Variants in ITGA9 observed in about 807,000 individuals in gnomAD.
ITGA9 encodes integrin subunit alpha 9, also known as integrin alpha-9.
Under a neutral mutation model 127.8 loss-of-function variants are expected in ITGA9, and 56 were observed. The observed-to-expected ratio is 0.44, with a 90% confidence interval of 0.35 to 0.55. ITGA9 has a LOEUF of 0.55. Among genes scored for constraint, ITGA9 ranks in the 20% least tolerant of loss-of-function variants. The pLI is 0.00. For missense variants in ITGA9, 1,196 were observed against 1,347.1 expected (o/e 0.89, Z 1.76); for synonymous variants, 508 against 514.5 (o/e 0.99, Z 0.17).
chr3:37,607,721 G>GTCTT (rs1699981402), intron 15 of ITGA9, among the ~76,000 whole-genome samples: 1 of 152,126 alleles, frequency 6.6e-6, no homozygotes, highest in South Asian at 2.1e-4. Context: ...GGAAGAAAGG[G>GTCTT]GTTAAAATGT....
chr3:37,471,602 A>G (rs889962716), intron 2 of ITGA9, among the ~76,000 whole-genome samples: 12 of 152,216 alleles, frequency 7.9e-5, no homozygotes, highest in Non-Finnish European at 1.8e-4. Flanking sequence ...GGAGCACAGG[A>G]GGGCAGCAAG....
At chr3:37,541,427 C>T (rs1460081999) in intron 14 of ITGA9, among the ~76,000 whole-genome samples, 2 of 152,206 alleles carry the variant, frequency 1.3e-5, no homozygotes, top group Non-Finnish European at 2.9e-5. Context: ...TGTATTGACA[C>T]TGAAGTCATA....
At chr3:37,602,917 T>C (rs565367334) in intron 15 of ITGA9, among the ~76,000 whole-genome samples, 153 of 152,318 alleles carry the variant, frequency 1.0e-3, no homozygotes, top group Admixed American at 1.8e-3. Context: ...GCTGCAAAGC[T>C]TGTGATTTTT....
intron 5 of ITGA9, among the ~76,000 whole-genome samples, chr3:37,498,523 C>T (rs7649479): frequency 0.01 from 1,539 of 152,228 alleles, 23 homozygotes; most frequent in African/African-American, 0.035. Flanking sequence ...GTCCAGGTAG[C>T]TGTGCAAGCT....
At chr3:37,559,368 A>T (rs1310565457) in intron 15 of ITGA9, among the ~76,000 whole-genome samples, 1 of 152,134 alleles carries the variant, frequency 6.6e-6, no homozygotes, top group Non-Finnish European at 1.5e-5. Flanking sequence ...CTTGGGTATA[A>T]ATCTAATGTG....
intron 16 of ITGA9, among the ~76,000 whole-genome samples, chr3:37,641,470 G>A (rs761132850): frequency 2.6e-5 from 4 of 152,128 alleles, no homozygotes; most frequent in East Asian, 1.9e-4. Flanking sequence ...TTAGTCTGTC[G>A]CAGAGGGAGA....
chr3:37,519,913 A>G (rs1230220583), intron 11 of ITGA9, among the ~76,000 whole-genome samples: 1 of 152,148 alleles, frequency 6.6e-6, no homozygotes, highest in Non-Finnish European at 1.5e-5. Context: ...CATGGGAAAA[A>G]AGGAAGTCAT....
At chr3:37,547,614 A>G (rs1699339690) in intron 15 of ITGA9, among the ~76,000 whole-genome samples, 1 of 152,036 alleles carries the variant, frequency 6.6e-6, no homozygotes, top group Non-Finnish European at 1.5e-5. Context: ...GTTAATAAGA[A>G]CTCTGAGAAA....
intron 5 of ITGA9, among the ~76,000 whole-genome samples, chr3:37,499,544 C>T (rs919993817): frequency 6.6e-6 from 1 of 152,190 alleles, no homozygotes; most frequent in African/African-American, 2.4e-5. Flanking sequence ...GCTGTTCCTG[C>T]ATGGTGGGGA....
At chr3:37,726,202 C>T (rs143883373) in intron 18 of ITGA9, among the ~76,000 whole-genome samples, 5 of 152,258 alleles carry the variant, frequency 3.3e-5, no homozygotes, top group Admixed American at 6.5e-5. Context: ...AGTGAGTTAA[C>T]GTGGAAGCCG....
chr3:37,755,433 G>A (rs1036887182), intron 23 of ITGA9, among the ~76,000 whole-genome samples: 7 of 152,052 alleles, frequency 4.6e-5, no homozygotes, highest in Non-Finnish European at 8.8e-5. Flanking sequence ...GGCAGCAACC[G>A]CAATCAAAAG....
chr3:37,794,275 C>T (rs1424797119), intron 26 of ITGA9, among the ~76,000 whole-genome samples: 1 of 152,190 alleles, frequency 6.6e-6, no homozygotes, highest in Admixed American at 6.5e-5. Flanking sequence ...GAATTTCTGG[C>T]CACAGCTCTG....
intron 8 of ITGA9, among the ~76,000 whole-genome samples, chr3:37,512,008 CTTTTCTTTTCTT>C (rs1698914580): frequency 4.2e-4 from 14 of 33,176 alleles, no homozygotes; most frequent in Admixed American, 1.4e-3. Context: ...CTTTTCTTTT[CTTTTCTTTTCTT>C]TTCTTTTCTT....
Position 37,799,822 on chromosome 3 carries a change from CT to C in ITGA9, c.2890-3999del. Among the ~76,000 whole-genome samples, 1 of 152,252 alleles carries C rather than the reference CT, an allele frequency of 6.6e-6. No homozygotes were observed. The highest frequency in any genetic ancestry group is 1.5e-5 in the Non-Finnish European group (1 of 67,996). ...AAAGTTGTTTAGAAAGGTGTAGGGG[CT>C]TAACCAAGGATCACCCAGCTCATTG... On this transcript the variant is annotated intron_variant, in intron 26 of 27. Transcript: ENST00000264741. The surrounding 1 kb of genome is among the most constrained non-coding windows in gnomAD (Gnocchi z 4.0).
At chr3:37,817,764 T>C (rs760119661) in intron 27 of ITGA9, among the ~76,000 whole-genome samples, 3 of 152,174 alleles carry the variant, frequency 2.0e-5, no homozygotes, top group Non-Finnish European at 4.4e-5. Context: ...TTGGTGGTGA[T>C]GACTATGTGA....
chr3:37,512,014 TTTTCTTTTCTTTTCTTTC>T (rs1185170658), intron 8 of ITGA9, among the ~76,000 whole-genome samples: 40 of 31,896 alleles, frequency 1.3e-3, no homozygotes, highest in African/African-American at 2.5e-3. Flanking sequence ...TTTTCTTTTC[TTTTCTTTTCTTTTCTTTC>T]TTTCTTTCTT....
intron 18 of ITGA9, among the ~76,000 whole-genome samples, chr3:37,686,262 G>A (rs560585163): frequency 1.3e-5 from 2 of 151,922 alleles, no homozygotes; most frequent in South Asian, 4.2e-4. Flanking sequence ...GCAGGGAGGG[G>A]CAGGGGATGG....
At chr3:37,596,160 A>G (rs1699867461) in intron 15 of ITGA9, among the ~76,000 whole-genome samples, 1 of 152,230 alleles carries the variant, frequency 6.6e-6, no homozygotes, top group South Asian at 2.1e-4. Flanking sequence ...GTATAACCAG[A>G]TACTCACATG....
At position 37,502,740 on chromosome 3, in the gene ITGA9, C is replaced by T. The variant is rs888027525; in HGVS notation, c.613-438C>T. Among the ~76,000 whole-genome samples the T allele has an allele frequency of 1.4e-4, 22 of 152,206 alleles. 1 individual carries two copies. Among genetic ancestry groups the T allele is most frequent in the African/African-American group, 5.1e-4 (21 of 41,456 alleles). On this transcript the variant is annotated intron_variant, in intron 5 of 27. Transcript: ENST00000264741. ...ACTAGTGCACAGTTTCCTCTCGCTA[C>T]GCATCAGGTCGGGGGAGTTGAATGG...
Sources: gnomAD v4.1 joint callset for allele counts (sites outside exome capture counted in the v4.1 genomes callset) on GRCh38, gnomAD v4.1.1 for gene constraint, Gnocchi (gnomAD v3.1) non-coding constraint, MANE v1.5 for transcripts, NCBI Gene and HGNC (gene_info 2026-07-23, HGNC 2026-07-21) for gene names.